MDC1: variants seen among roughly 807,000 people sequenced by gnomAD.
MDC1 encodes the protein mediator of DNA damage checkpoint 1, also known as mediator of DNA damage checkpoint protein 1.
MDC1 carries 81 observed loss-of-function variants against 142.5 expected under a neutral mutation model. The observed-to-expected ratio is 0.57, with a 90% CI of 0.47 to 0.68. MDC1 has a LOEUF of 0.68. Ranked by LOEUF, MDC1 falls within the 30% of genes least tolerant of loss-of-function variation. The pLI is 0.00. For missense variants in MDC1, 2,119 were observed against 2,547.9 expected, an observed-to-expected ratio of 0.83 and a Z score of 3.62; for synonymous variants, 797 against 968.4, an observed-to-expected ratio of 0.82 and a Z score of 3.29.
chr6:30,704,943 G>A lies in MDC1; in HGVS notation c.4240C>T (p.Leu1414Phe), dbSNP rs1208988877. 2 of 1,606,826 alleles carry A rather than the reference G, an allele frequency of 1.2e-6. No homozygotes were observed. Among genetic ancestry groups the A allele is most frequent in the Middle Eastern group, 3.3e-4 (2 of 6,026 alleles). Residue 1414 changes from leucine (L) to phenylalanine (F), a missense_variant, in exon 10 of 15, where the codon CTC (leucine) becomes TTC (phenylalanine). Coordinates refer to ENST00000376406, the MANE Select transcript of MDC1 (RefSeq NM_014641.3). ...TGGTCTGTGGAAGTGGAAGGCTCGA[G>A]CTTAGGGGCTGTGGGGACAAGTGTT... ...PETLVPTAPK[L>F]EPSTSTDQPV...
chr6:30,708,466 T>G (rs1774285376), intron 7 of MDC1, 109 bp from the exon 8 acceptor site: 3 of 785,754 alleles, frequency 3.8e-6, no homozygotes, highest in Non-Finnish European at 6.0e-6. Flanking sequence ...AGAAAGGATT[T>G]AGATAAACTC....
intron 14 of MDC1, among the ~76,000 whole-genome samples, chr6:30,702,341 C>T (rs868071879): frequency 4.0e-5 from 6 of 150,844 alleles, no homozygotes; most frequent in African/African-American, 1.5e-4. Flanking sequence ...AATTAAGCTG[C>T]TGCTGAATCT....
At position 30,700,625 on chromosome 6, in the gene MDC1, C is replaced by T; in HGVS notation, c.6110G>A (p.Arg2037Lys). The change falls in exon 15 of 15, where the codon AGA (arginine) becomes AAA (lysine). Residue 2037 changes from arginine (R) to lysine (K), a missense_variant. Transcript: ENST00000376406. ...PSMPRSYKPQRVVITCPQDFP... is the reference protein window; with the variant it reads ...PSMPRSYKPQKVVITCPQDFP... ...GTCCTGAGGGCATGTGATCACAACT[C>T]TCTGAGGCTGGGGAAGACAGAGCAA... 1 of 1,612,882 alleles carries T rather than the reference C, an allele frequency of 6.2e-7. No homozygotes were observed. The highest frequency in any genetic ancestry group is 8.5e-7 in the Non-Finnish European group (1 of 1,179,930).
intron 7 of MDC1, among the ~76,000 whole-genome samples, chr6:30,708,980 A>AAAAG (rs140751169): frequency 0.048 from 7,333 of 151,744 alleles, 273 homozygotes; most frequent in African/African-American, 0.093. Flanking sequence ...CTGTCTCAAA[A>AAAAG]AAAGAAAGAA....
In MDC1 at chr6:30,713,776, A is replaced by C. The variant is rs774694703; in HGVS notation, c.517+27T>G. The C allele has an allele frequency of 6.2e-7, 1 of 1,613,590 alleles. No individual in the cohort carries two copies. Among genetic ancestry groups the C allele is most frequent in the Non-Finnish European group, 8.5e-7 (1 of 1,179,606 alleles). On this transcript the variant is annotated intron_variant, in intron 3 of 14. Transcript: ENST00000376406. This position sits in a 1 kb window ranked among gnomAD's most constrained non-coding sequence, Gnocchi z 4.9. ...GTACACTCATTATTCCTGTCTCCTC[A>C]TTCTCCCTGCCAATATACAAACTTA...
At position 30,700,574 on chromosome 6, in the gene MDC1, C is replaced by A; in HGVS notation, c.6161G>T (p.Arg2054Leu). Residue 2054 changes from arginine to leucine, a missense_variant, in exon 15 of 15, where the codon CGG (arginine) becomes CTG (leucine). Physicochemically the swap from Arg to Leu is moderately radical, Grantham distance 102 (BLOSUM62 -2). Transcript: ENST00000376406. ...QDFPHCSIPL[R>L]VGLPLLSPEF... ...AGGCGAGAGGAGGGGCAGCCCAACC[C>A]GTAGTGGAATGGAGCAATGAGGGAA... 6.2e-7 allele frequency: 1 copy of A among 1,612,906 alleles called. No homozygotes were observed. Among genetic ancestry groups the A allele is most frequent in the Non-Finnish European group, 8.5e-7 (1 of 1,179,986 alleles).
Position 30,703,983 on chromosome 6 carries a change from C to T in MDC1, c.5200G>A (p.Ala1734Thr), listed in dbSNP as rs75355880. Residue 1734 changes from alanine to threonine, a missense_variant, in exon 10 of 15, where the codon GCA (alanine) becomes ACA (threonine). By Grantham distance (58) the Ala-to-Thr change is moderately conservative. Transcript: ENST00000376406. The surrounding 1 kb of genome is among the most constrained non-coding windows in gnomAD (Gnocchi z 4.4). ...QRAAGNPGSL[A>T]APIDHKPCSA... ...CAAGGCTTATGGTCAATGGGAGCTGCGAGGGAGCCAGGGTTCCCAGCGGCT... is the reference window on the plus strand; with the variant it reads ...CAAGGCTTATGGTCAATGGGAGCTGTGAGGGAGCCAGGGTTCCCAGCGGCT... The T allele has an allele frequency of 7.8e-3, 12,657 of 1,614,094 alleles. 298 individuals are homozygous for T. Among genetic ancestry groups the T allele is most frequent in the East Asian group, 0.072 (3,242 of 44,886 alleles).
rs777548827 is a variant in MDC1, at chr6:30,713,340, T to A, written c.602A>T (p.His201Leu). The A allele has an allele frequency of 6.3e-7, 1 of 1,582,486 alleles. No homozygotes were observed. Among genetic ancestry groups the A allele is most frequent in the East Asian group, 2.2e-5 (1 of 44,644 alleles). Reference sequence around the variant, plus strand: ...CCCAAGGCCGCCCAGGACCGGGGAATGCCCCTCTTCATCACTGTGAAGGGA... The same window carrying A: ...CCCAAGGCCGCCCAGGACCGGGGAAAGCCCCTCTTCATCACTGTGAAGGGA... ...VIVPESDEEGHSPVLGGLGPP... is the reference protein window; with the variant it reads ...VIVPESDEEGLSPVLGGLGPP... The change falls in exon 5 of 15, where the codon CAT (histidine) becomes CTT (leucine). Residue 201 changes from histidine to leucine, a missense_variant. Transcript: ENST00000376406. This position sits in a 1 kb window ranked among gnomAD's most constrained non-coding sequence, Gnocchi z 4.9.
chr6:30,700,775 A>C lies in MDC1; in HGVS notation c.6103-143T>G, dbSNP rs915212182. 20 of 824,490 alleles carry C rather than the reference A, an allele frequency of 2.4e-5. No homozygotes were observed. The African/African-American group carries it at 3.3e-4, about 13-fold the overall frequency. The allele number at this position is 824,490 out of a possible 1,614,324, so 51.1% of individuals were successfully genotyped here. On this transcript the variant is annotated intron_variant, in intron 14 of 14. Transcript: ENST00000376406. ...AAGCACACCGCATACTGTCTATGAAATACTCTTGCTAGGCCGGGCGCAGTG... is the reference window on the plus strand; with the variant it reads ...AAGCACACCGCATACTGTCTATGAACTACTCTTGCTAGGCCGGGCGCAGTG...
rs756187041 is a variant in MDC1 at position 30,703,071 on chromosome 6, A to G, written c.5865+33T>C. 31 of 1,601,326 alleles carry G rather than the reference A, an allele frequency of 1.9e-5. No individual in the cohort carries two copies. The highest frequency in any genetic ancestry group is 2.7e-5 in the African/African-American group (2 of 74,752). ...GCACTATATGAGCAGTCTTGCCACT[A>G]TATCGGTCTGTCATCATCCCTTGGC... On this transcript the variant is annotated intron_variant, in intron 12 of 14. Coordinates refer to ENST00000376406, the MANE Select transcript of MDC1 (RefSeq NM_014641.3). The surrounding 1 kb of genome is among the most constrained non-coding windows in gnomAD (Gnocchi z 4.4).
In MDC1 at chr6:30,707,576, C is replaced by T; in HGVS notation, c.3003G>A (p.Arg1001=). Residue 1001 remains arginine (R), a synonymous_variant, in exon 8 of 15, where the codon AGG becomes AGA. Transcript: ENST00000376406. ...TCTGCCTTCACTTACCTTTCTGATG[C>T]CTCCTGGGGCTCACTGGGGATCCCC... is the stretch of plus-strand genomic sequence containing the variant. ...GGRGSPVSPR[R]HQKGLLNCKM... is the part of the protein sequence containing the mutation. 6.2e-7 allele frequency: 1 copy of T among 1,611,332 alleles called. No individual in the cohort carries two copies. Among genetic ancestry groups the T allele is most frequent in the Non-Finnish European group, 8.5e-7 (1 of 1,178,634 alleles).
chr6:30,713,438 G>T lies in MDC1; in HGVS notation c.588-84C>A. 1 of 1,401,312 alleles carries T rather than the reference G, an allele frequency of 7.1e-7. No homozygotes were observed. Among genetic ancestry groups the T allele is most frequent in the Non-Finnish European group, 9.6e-7 (1 of 1,044,752 alleles). 86.8% of individuals were successfully genotyped at this position (1,401,312 alleles called of 1,614,324 possible). The stretch of plus-strand genomic sequence containing the variant: ...CTCAACTGTGAGCTCCTTGAGGGGA[G>T]ACACAAGGTAGCATATTTCTTCTTC... On this transcript the variant is annotated intron_variant, in intron 4 of 14. Coordinates refer to ENST00000376406, the MANE Select transcript of MDC1 (RefSeq NM_014641.3). The surrounding 1 kb of genome is among the most constrained non-coding windows in gnomAD (Gnocchi z 4.9).
Position 30,715,808 on chromosome 6 carries a change from C to T in MDC1, c.-3-630G>A, listed in dbSNP as rs1357129583. Among the ~76,000 whole-genome samples the T allele has an allele frequency of 6.6e-6, 1 of 152,210 alleles. No individual in the cohort carries two copies. The highest frequency in any genetic ancestry group is 1.9e-4 in the East Asian group (1 of 5,206). ...TCGACTCTGACTCATTTAATCTTCACAAGAACCTTGTAAAGTAGTATTACT... is the reference window on the plus strand; with the variant it reads ...TCGACTCTGACTCATTTAATCTTCATAAGAACCTTGTAAAGTAGTATTACT... On this transcript the variant is annotated intron_variant, in intron 1 of 14. Transcript: ENST00000376406. This position sits in a 1 kb window ranked among gnomAD's most constrained non-coding sequence, Gnocchi z 4.1.
Position 30,713,925 on chromosome 6 carries a change from C to T in MDC1, c.395G>A (p.Arg132His), listed in dbSNP as rs1045903416. 43 of 1,613,336 alleles carry T rather than the reference C, an allele frequency of 2.7e-5. 1 individual carries two copies. In the East Asian group the frequency reaches 3.3e-4, roughly 13 times the overall value. Reference sequence around the variant, plus strand: ...GACAAAGGGCAGAGAGACATCCAGGCGATGGTACTGGCAGAGCAAGTCAGC... The same window carrying T: ...GACAAAGGGCAGAGAGACATCCAGGTGATGGTACTGGCAGAGCAAGTCAGC... ...LFADLLCQYH[R>H]LDVSLPFVSR... The change falls in exon 3 of 15, where the codon CGC becomes CAC. Residue 132 changes from arginine (R) to histidine (H), a missense_variant. Physicochemically the swap from Arg to His is conservative, Grantham distance 29. Transcript: ENST00000376406. The surrounding 1 kb of genome is among the most constrained non-coding windows in gnomAD (Gnocchi z 4.9).
intron 14 of MDC1, among the ~76,000 whole-genome samples, chr6:30,701,436 A>C (rs886112035): frequency 2.0e-5 from 3 of 152,140 alleles, no homozygotes; most frequent in African/African-American, 4.8e-5. Flanking sequence ...ATGAACCTGA[A>C]TTTATTCAAG....
At chr6:30,706,210 GGC>G (rs1353284081) in intron 9 of MDC1, 112 bp from the exon 10 acceptor site, 6 of 950,256 alleles carry the variant, frequency 6.3e-6, no homozygotes, top group African/African-American at 1.6e-5. Context: ...ATTTCCACCG[GGC>G]GTGGTGGCTC....
intron 7 of MDC1, 68 bp downstream of exon 7, chr6:30,711,344 C>T (rs1774851084): frequency 7.1e-7 from 1 of 1,416,028 alleles, no homozygotes; most frequent in Non-Finnish European, 9.9e-7. Context: ...GTAATCCAGC[C>T]TGAGTGACAG....
In MDC1 at chr6:30,705,196, G is replaced by A. The variant is rs781417548; in HGVS notation, c.3987C>T (p.Ala1329=). 1.3e-6 allele frequency: 2 copies of A among 1,593,758 alleles called. No homozygotes were observed. Among genetic ancestry groups the A allele is most frequent in the East Asian group, 2.3e-5 (1 of 42,888 alleles). Residue 1329 remains alanine, a synonymous_variant, in exon 10 of 15, where the codon GCC becomes GCT. Transcript: ENST00000376406. ...TGGAGGTGGAAATCTGGAGCTCAGG[G>A]GCTGTGGGGACAACTGTTTCAGGGG... ...VKTPETVVPT[A]PELQISTSTD...
In MDC1 at chr6:30,707,744, A is replaced by C. The variant is rs763874993; in HGVS notation, c.2835T>G (p.Asp945Glu). Residue 945 changes from aspartate to glutamate, a missense_variant, in exon 8 of 15, where the codon GAT becomes GAG. Coordinates refer to ENST00000376406, the MANE Select transcript of MDC1 (RefSeq NM_014641.3). The part of the protein sequence containing the change: ...EKVPKVILER[D>E]TQRGEPEGGS... ...CTCCCTCTGGCTCCCCTCTCTGTGTATCTCTCTCCAGGATCACTTTGGGCA... is the reference window on the plus strand; with the variant it reads ...CTCCCTCTGGCTCCCCTCTCTGTGTCTCTCTCTCCAGGATCACTTTGGGCA... 1.2e-6 allele frequency: 2 copies of C among 1,612,622 alleles called. No individual in the cohort carries two copies. The highest frequency in any genetic ancestry group is 1.1e-5 in the South Asian group (1 of 91,070).
Sources: allele counts gnomAD v4.1 joint callset (sites outside exome capture counted in the v4.1 genomes callset), GRCh38; gene constraint gnomAD v4.1.1; non-coding constraint Gnocchi (gnomAD v3.1); transcripts MANE v1.5; gene names NCBI Gene and HGNC (gene_info 2026-07-23, HGNC 2026-07-21).